Variants in LUZP2 observed in about 807,000 individuals in gnomAD.
The protein encoded by LUZP2 is leucine zipper protein 2.
Under a neutral mutation model 51.6 loss-of-function variants are expected in LUZP2, and 52 were observed. The observed-to-expected ratio is 1.01, with a 90% CI of 0.81 to 1.27. The LOEUF is 1.27. Among genes scored for constraint, LUZP2 ranks in the 50% most tolerant of loss-of-function variants. The pLI is 0.00. For synonymous variants in LUZP2, 154 were observed against 137.3 expected, an observed-to-expected ratio of 1.12 and a Z score of -0.85; for missense variants, 436 against 395.4, an observed-to-expected ratio of 1.10 and a Z score of -0.87.
intron 1 of LUZP2, among the ~76,000 whole-genome samples, chr11:24,545,344 T>C (rs1851506083): frequency 6.6e-6 from 1 of 152,106 alleles, no homozygotes; most frequent in Non-Finnish European, 1.5e-5. Context: ...ATGAATTCTT[T>C]GCTCCTTTTT....
At chr11:24,847,976 T>C (rs2134214614) in intron 5 of LUZP2, among the ~76,000 whole-genome samples, 1 of 152,284 alleles carries the variant, frequency 6.6e-6, no homozygotes, top group African/African-American at 2.4e-5. Context: ...GAATACTCCC[T>C]TAATTTCTGG....
chr11:24,635,360 T>C (rs1416096649), intron 1 of LUZP2, among the ~76,000 whole-genome samples: 1 of 152,052 alleles, frequency 6.6e-6, no homozygotes, highest in Non-Finnish European at 1.5e-5. Flanking sequence ...CATTAAAAAA[T>C]TGATTTTTGA....
intron 10 of LUZP2, among the ~76,000 whole-genome samples, chr11:25,071,996 A>T (rs1859173027): frequency 6.6e-6 from 1 of 152,110 alleles, no homozygotes; most frequent in Admixed American, 6.6e-5. Flanking sequence ...TACACTAAGC[A>T]TATTGATTTT....
chr11:24,993,887 G>C, intron 9 of LUZP2, among the ~76,000 whole-genome samples: 1 of 151,920 alleles, frequency 6.6e-6, no homozygotes, highest in East Asian at 1.9e-4. Context: ...GGGGAATAGA[G>C]TCTCGCTCTG....
intron 7 of LUZP2, among the ~76,000 whole-genome samples, chr11:24,965,463 A>G (rs1236073297): frequency 2.6e-5 from 4 of 151,626 alleles, no homozygotes; most frequent in African/African-American, 7.3e-5. Flanking sequence ...CATTGAAATC[A>G]ATGTGTTTGT....
intron 1 of LUZP2, among the ~76,000 whole-genome samples, chr11:24,531,483 G>A (rs1458311791): frequency 6.6e-6 from 1 of 150,694 alleles, no homozygotes; most frequent in Non-Finnish European, 1.5e-5. Flanking sequence ...ATAAATTGTT[G>A]TTTATCATAG....
chr11:24,904,290 A>AT (rs998972665), intron 5 of LUZP2, among the ~76,000 whole-genome samples: 31 of 147,498 alleles, frequency 2.1e-4, no homozygotes, highest in South Asian at 4.3e-4. Context: ...ATAGTTTGCC[A>AT]TTTTTTTTTT....
chr11:24,868,403 T>G (rs910948769), intron 5 of LUZP2, among the ~76,000 whole-genome samples: 1 of 152,160 alleles, frequency 6.6e-6, no homozygotes, highest in African/African-American at 2.4e-5. Flanking sequence ...AATAATATTG[T>G]TCTTTGTTAA....
chr11:24,721,809 G>A (rs761800618), intron 1 of LUZP2, among the ~76,000 whole-genome samples: 5 of 152,056 alleles, frequency 3.3e-5, no homozygotes, highest in Non-Finnish European at 7.4e-5. Context: ...ATATGGAAAT[G>A]CATTTGACCG....
At position 24,544,915 on chromosome 11, in the gene LUZP2, G is replaced by A. The variant is rs138876825; in HGVS notation, c.62+47610G>A. On this transcript the variant is annotated intron_variant, in intron 1 of 11. Coordinates refer to ENST00000336930, the MANE Select transcript of LUZP2 (RefSeq NM_001009909.4). Reference sequence around the variant, plus strand: ...TTGTACTCCCACTAACAGTGTATACGCATCCCTTTTTCTCTGCAAACCCAA... The same window carrying A: ...TTGTACTCCCACTAACAGTGTATACACATCCCTTTTTCTCTGCAAACCCAA... 6.5e-3 allele frequency among the ~76,000 whole-genome samples: 990 copies of A among 152,122 alleles called. 25 individuals are homozygous for A. The highest frequency in any genetic ancestry group is 0.039 in the Admixed American group (591 of 15,244).
intron 1 of LUZP2, among the ~76,000 whole-genome samples, chr11:24,598,681 G>A (rs1477267375): frequency 6.6e-6 from 1 of 151,982 alleles, no homozygotes; most frequent in Non-Finnish European, 1.5e-5. Flanking sequence ...ATGACTCCAA[G>A]GCATATTATT....
chr11:24,725,981 A>G (rs1858461232), intron 1 of LUZP2, among the ~76,000 whole-genome samples: 1 of 152,128 alleles, frequency 6.6e-6, no homozygotes, highest in African/African-American at 2.4e-5. Flanking sequence ...TCCTTCTCTC[A>G]CAGCCCTCAC....
intron 5 of LUZP2, among the ~76,000 whole-genome samples, chr11:24,860,489 T>C (rs530401467): frequency 1.3e-5 from 2 of 152,234 alleles, no homozygotes; most frequent in South Asian, 2.1e-4. Flanking sequence ...CACCAAACTA[T>C]GTGAGACCCT....
chr11:24,560,300 A>C (rs1465870152), intron 1 of LUZP2, among the ~76,000 whole-genome samples: 3 of 152,210 alleles, frequency 2.0e-5, no homozygotes, highest in African/African-American at 7.2e-5. Context: ...CAATAAAATA[A>C]GCAAAATTTC....
intron 4 of LUZP2, among the ~76,000 whole-genome samples, chr11:24,745,239 A>G (rs950159289): frequency 2.6e-5 from 4 of 152,188 alleles, no homozygotes; most frequent in Non-Finnish European, 5.9e-5. Context: ...GTTCCAAGGT[A>G]TAGTTTAAAT....
chr11:24,651,508 G>C (rs1855623409), intron 1 of LUZP2, among the ~76,000 whole-genome samples: 1 of 152,054 alleles, frequency 6.6e-6, no homozygotes, highest in African/African-American at 2.4e-5. Context: ...TACTGAGCTG[G>C]ATAATTTGCA....
chr11:24,926,511 A>G (rs1203895907), intron 7 of LUZP2, among the ~76,000 whole-genome samples: 4 of 136,208 alleles, frequency 2.9e-5, no homozygotes, highest in Admixed American at 7.6e-5. Context: ...ATGTGTGTGT[A>G]TATACGTGTA....
intron 5 of LUZP2, among the ~76,000 whole-genome samples, chr11:24,872,204 T>A (rs1391376757): frequency 6.6e-6 from 1 of 152,130 alleles, no homozygotes; most frequent in Non-Finnish European, 1.5e-5. Context: ...ATCGGTGAAT[T>A]TTTCTCAGTC....
chr11:24,724,465 G>A (rs1486930696), intron 1 of LUZP2, among the ~76,000 whole-genome samples: 1 of 152,120 alleles, frequency 6.6e-6, no homozygotes, highest in Non-Finnish European at 1.5e-5. Context: ...CCAGCTAACT[G>A]AGAGGCTGAG....
Sources: gnomAD v4.1 joint callset for allele counts (sites outside exome capture counted in the v4.1 genomes callset) on GRCh38, gnomAD v4.1.1 for gene constraint, MANE v1.5 for transcripts, NCBI Gene and HGNC (gene_info 2026-07-23, HGNC 2026-07-21) for gene names.